Variants in EMC2 observed in about 807,000 individuals in gnomAD.
EMC2 encodes the protein TPR repeat protein 35.
Under a neutral mutation model 51.6 loss-of-function variants are expected in EMC2, and 37 were observed. The observed-to-expected ratio is 0.72, with a 90% CI of 0.55 to 0.94. The LOEUF (loss-of-function observed/expected upper bound fraction) is 0.94. Among genes scored for constraint, EMC2 ranks in the 40% least tolerant of loss-of-function variants. The probability of loss-of-function intolerance (pLI) is 0.00; values close to 1 mark genes in which losing one functional copy is unlikely to be tolerated. For missense variants in EMC2, 359 were observed against 350.9 expected (o/e 1.02, Z -0.18); for synonymous variants, 131 against 112.4 (o/e 1.17, Z -1.04).
At chr8:108,445,566 C>A (rs914831357) in intron 1 of EMC2, among the ~76,000 whole-genome samples, 1 of 151,822 alleles carries the variant, frequency 6.6e-6, no homozygotes, top group African/African-American at 2.4e-5. Context: ...CACTCTACTA[C>A]CCCCTTCCCT....
chr8:108,459,731 T>A (rs62540842), intron 5 of EMC2, among the ~76,000 whole-genome samples: 48 of 116,820 alleles, frequency 4.1e-4, no homozygotes, highest in South Asian at 8.9e-4. Flanking sequence ...AGTGTGTGTG[T>A]GTGTGTGTGT....
intron 5 of EMC2, among the ~76,000 whole-genome samples, chr8:108,459,378 G>A (rs1563694399): frequency 6.6e-6 from 1 of 152,130 alleles, no homozygotes; most frequent in Non-Finnish European, 1.5e-5. Context: ...AGACATACCC[G>A]AGAAGACTGG....
intron 4 of EMC2, among the ~76,000 whole-genome samples, 190 bp downstream of exon 4, chr8:108,453,337 T>A (rs1563692017): frequency 6.6e-6 from 1 of 152,344 alleles, no homozygotes; most frequent in East Asian, 1.9e-4. Flanking sequence ...TAACTTCTTT[T>A]TGAAGTATCT....
Position 108,453,123 on chromosome 8 carries a change from G to C in EMC2, c.281G>C (p.Gly94Ala). The C allele has an allele frequency of 6.2e-7, 1 of 1,607,430 alleles. No homozygotes were observed. Residue 94 changes from glycine (G) to alanine (A), a missense_variant, in exon 4 of 11, where the codon GGC (glycine) becomes GCC (alanine). Coordinates refer to ENST00000220853, the MANE Select transcript of EMC2 (RefSeq NM_014673.5). ...PGSHRVKRLT[G>A]MRFEAMERYD... The stretch of plus-strand genomic sequence containing the variant: ...AGTCACAGAGTCAAGCGATTAACAG[G>C]CATGAGATTTGAAGCCATGGAAAGG...
chr8:108,447,682 CAT>C (rs766834440), intron 1 of EMC2, among the ~76,000 whole-genome samples: 6 of 152,118 alleles, frequency 3.9e-5, no homozygotes, highest in Non-Finnish European at 8.8e-5. Flanking sequence ...ACAGAACAAT[CAT>C]AGCGACTCTC....
chr8:108,475,062 C>T (rs1563700745), intron 7 of EMC2: 2 of 151,862 alleles, frequency 1.3e-5, no homozygotes, highest in East Asian at 3.9e-4. Flanking sequence ...TTTAGGTAGC[C>T]TCTTTTTGTT....
chr8:108,471,721 A>G (rs1753205438), intron 7 of EMC2, among the ~76,000 whole-genome samples: 1 of 151,944 alleles, frequency 6.6e-6, no homozygotes, highest in African/African-American at 2.4e-5. Flanking sequence ...CTAGGGAGAT[A>G]TAAAGGTTGT....
intron 5 of EMC2, among the ~76,000 whole-genome samples, chr8:108,456,564 G>C (rs1819165804): frequency 6.6e-6 from 1 of 151,816 alleles, no homozygotes; most frequent in Non-Finnish European, 1.5e-5. Flanking sequence ...TTTTGTTTTT[G>C]CTTTTTTCTG....
intron 5 of EMC2, among the ~76,000 whole-genome samples, chr8:108,463,373 A>G (rs771229744): frequency 1.3e-5 from 2 of 152,100 alleles, no homozygotes; most frequent in Non-Finnish European, 2.9e-5. Context: ...ATGTTACTCA[A>G]GTACCAGTTT....
intron 10 of EMC2, among the ~76,000 whole-genome samples, chr8:108,482,438 CATTT>C (rs1811059741): frequency 6.6e-6 from 1 of 152,044 alleles, no homozygotes; most frequent in Admixed American, 6.6e-5. Flanking sequence ...ATGCCTCAGT[CATTT>C]GTTTGTGTTT....
rs1811163974 is a variant in EMC2, at chr8:108,487,480, A to G, written c.*882A>G. 6.6e-6 allele frequency among the ~76,000 whole-genome samples: 1 copy of G among 151,986 alleles called. No individual in the cohort carries two copies. Among genetic ancestry groups the G allele is most frequent in the Non-Finnish European group, 1.5e-5 (1 of 67,954 alleles). On this transcript the variant is annotated 3_prime_UTR_variant, in exon 11 of 11. Transcript: ENST00000220853. The stretch of plus-strand genomic sequence containing the variant: ...GAATTTTTTATTTTTCTCTTTTCAT[A>G]ATAAACAACCATTATGCTACCTTCA...
At chr8:108,444,292 A>G (rs932042041) in intron 1 of EMC2, among the ~76,000 whole-genome samples, 4 of 151,920 alleles carry the variant, frequency 2.6e-5, no homozygotes, top group African/African-American at 9.7e-5. Context: ...CTTCTTTCTT[A>G]CTCCCTACTA....
chr8:108,485,986 C>A (rs1811130894), intron 10 of EMC2, among the ~76,000 whole-genome samples: 1 of 151,554 alleles, frequency 6.6e-6, no homozygotes, highest in Non-Finnish European at 1.5e-5. Flanking sequence ...ATTTAGTTAA[C>A]TAATAAATCT....
chr8:108,446,193 A>G (rs1336868180), intron 1 of EMC2: 2 of 322,764 alleles, frequency 6.2e-6, no homozygotes, highest in South Asian at 2.5e-5. Context: ...ATAGGCATTT[A>G]GGAAATATTA....
At chr8:108,471,166 T>G (rs1188770689) in intron 7 of EMC2, among the ~76,000 whole-genome samples, 2 of 151,994 alleles carry the variant, frequency 1.3e-5, no homozygotes, top group African/African-American at 4.8e-5. Flanking sequence ...TCACATTCAG[T>G]ATAGATGATA....
At chr8:108,445,609 A>C (rs938805626) in intron 1 of EMC2, among the ~76,000 whole-genome samples, 3 of 151,936 alleles carry the variant, frequency 2.0e-5, no homozygotes, top group African/African-American at 4.8e-5. Context: ...GAAAAAAAAA[A>C]CCCAAACAAT....
chr8:108,481,016 G>A (rs1487829272), intron 10 of EMC2, among the ~76,000 whole-genome samples: 1 of 152,024 alleles, frequency 6.6e-6, no homozygotes, highest in African/African-American at 2.4e-5. Context: ...AGAGTAGTAG[G>A]TTGTCCTCTA....
intron 5 of EMC2, among the ~76,000 whole-genome samples, chr8:108,468,553 CTTAT>C (rs1810783867): frequency 6.6e-6 from 1 of 151,892 alleles, no homozygotes; most frequent in Admixed American, 6.6e-5. Context: ...TGCTCTGACC[CTTAT>C]TTATTAGTCT....
intron 10 of EMC2, among the ~76,000 whole-genome samples, chr8:108,480,227 A>G (rs1422375948): frequency 6.6e-6 from 1 of 151,522 alleles, no homozygotes; most frequent in African/African-American, 2.4e-5. Flanking sequence ...TCCTTTATTC[A>G]TTTTCTTTCA....
Sources: gnomAD v4.1 joint callset for allele counts (sites outside exome capture counted in the v4.1 genomes callset) on GRCh38, gnomAD v4.1.1 for gene constraint, MANE v1.5 for transcripts, NCBI Gene and HGNC (gene_info 2026-07-23, HGNC 2026-07-21) for gene names.